The following AKAP19 variants were observed in gnomAD, a reference collection of about 807,000 sequenced individuals.
AKAP19 encodes the protein small A-kinase anchoring protein.
the AKAP19 span, among the ~76,000 whole-genome samples, chr2:190,073,246 A>G: frequency 6.6e-6 from 1 of 152,214 alleles, no homozygotes; most frequent in African/African-American, 2.4e-5. Context: ...TTTTCCAGAA[A>G]AAAACACAAC....
chr2:190,128,072 C>T, the AKAP19 span, among the ~76,000 whole-genome samples: 1 of 152,104 alleles, frequency 6.6e-6, no homozygotes, highest in Non-Finnish European at 1.5e-5. Flanking sequence ...GTGAGGGTGG[C>T]ACTCAATGTG....
the AKAP19 span, among the ~76,000 whole-genome samples, chr2:190,097,918 G>A: frequency 6.8e-6 from 1 of 147,810 alleles, no homozygotes; most frequent in Admixed American, 6.7e-5. Context: ...AAAGAAAGAA[G>A]CAGCAGTAAG....
the AKAP19 span, among the ~76,000 whole-genome samples, chr2:190,035,854 C>T: frequency 3.0e-3 from 461 of 152,240 alleles, 1 homozygote; most frequent in African/African-American, 7.1e-3. Flanking sequence ...TGGTCTGTTA[C>T]GAGTGAAGCA....
chr2:190,184,248 CAA>C, the AKAP19 span, among the ~76,000 whole-genome samples: 44 of 152,176 alleles, frequency 2.9e-4, 1 homozygote, highest in African/African-American at 1.0e-3. Context: ...ATATGTGACC[CAA>C]AGAGTGAATG....
At chr2:189,937,329 T>C in the AKAP19 span, among the ~76,000 whole-genome samples, 2 of 152,056 alleles carry the variant, frequency 1.3e-5, no homozygotes, top group Admixed American at 1.3e-4. Context: ...TCAGAACTTA[T>C]TGAACTTGGG....
chr2:189,916,313 C>G, the AKAP19 span, among the ~76,000 whole-genome samples: 1 of 142,834 alleles, frequency 7.0e-6, no homozygotes, highest in South Asian at 2.2e-4. Context: ...TAATTTTCTT[C>G]CTTTTTCTTT....
At chr2:189,954,381 G>A in the AKAP19 span, among the ~76,000 whole-genome samples, 1 of 152,162 alleles carries the variant, frequency 6.6e-6, no homozygotes, top group East Asian at 1.9e-4. Context: ...GATAAGATCA[G>A]AACATATGAT....
the AKAP19 span, chr2:190,060,276 T>A: frequency 2.5e-6 from 4 of 1,613,188 alleles, no homozygotes; most frequent in Non-Finnish European, 3.4e-6. Flanking sequence ...TTTCATAGGT[T>A]TGATGAGTCT....
chr2:189,983,300 G>C, the AKAP19 span, among the ~76,000 whole-genome samples: 5,204 of 152,114 alleles, frequency 0.034, 285 homozygotes, highest in African/African-American at 0.11. Flanking sequence ...TTGTGGCAGC[G>C]CCTCTTTTCC....
chr2:190,164,485 G>A, the AKAP19 span, among the ~76,000 whole-genome samples: 1 of 152,128 alleles, frequency 6.6e-6, no homozygotes, highest in South Asian at 2.1e-4. Flanking sequence ...AACTATGATT[G>A]CATCACTGTA....
chr2:190,018,058 C>T, the AKAP19 span, among the ~76,000 whole-genome samples: 1,735 of 152,166 alleles, frequency 0.011, 33 homozygotes, highest in African/African-American at 0.04. Flanking sequence ...TTTCTTATCT[C>T]TTCCTGTTTT....
the AKAP19 span, among the ~76,000 whole-genome samples, chr2:189,937,000 T>C: frequency 2.4e-4 from 37 of 152,040 alleles, no homozygotes; most frequent in African/African-American, 8.5e-4. Context: ...GTGGGCATAA[T>C]GGTGCATGCC....
chr2:190,086,760 G>A, the AKAP19 span, among the ~76,000 whole-genome samples: 1 of 152,222 alleles, frequency 6.6e-6, no homozygotes, highest in South Asian at 2.1e-4. Flanking sequence ...TATGAAAGGA[G>A]TTGCTCAGAG....
chr2:189,990,148 T>C, the AKAP19 span, among the ~76,000 whole-genome samples: 1 of 152,226 alleles, frequency 6.6e-6, no homozygotes, highest in South Asian at 2.1e-4. Context: ...CACTAGCTTT[T>C]AGAACCTCCA....
chr2:190,096,635 T>C, the AKAP19 span, among the ~76,000 whole-genome samples: 1 of 152,348 alleles, frequency 6.6e-6, no homozygotes, highest in Non-Finnish European at 1.5e-5. Flanking sequence ...CTTCCCTTTC[T>C]TCTTCCCTGA....
the AKAP19 span, among the ~76,000 whole-genome samples, chr2:189,910,445 G>T: frequency 1.3e-5 from 2 of 151,926 alleles, no homozygotes; most frequent in African/African-American, 4.8e-5. Context: ...ACTTTCCTGA[G>T]AGTGAATATG....
chr2:189,911,463 G>C, the AKAP19 span, among the ~76,000 whole-genome samples: 1 of 152,080 alleles, frequency 6.6e-6, no homozygotes, highest in Non-Finnish European at 1.5e-5. Flanking sequence ...TAAGTGGTTT[G>C]TAGTAGCTAT....
chr2:189,925,368 T>C, the AKAP19 span, among the ~76,000 whole-genome samples: 1 of 152,194 alleles, frequency 6.6e-6, no homozygotes, highest in Non-Finnish European at 1.5e-5. Context: ...TAGAATATAC[T>C]AGACTTAATA....
chr2:190,023,936 CTG>C, the AKAP19 span, among the ~76,000 whole-genome samples: 8 of 151,766 alleles, frequency 5.3e-5, no homozygotes, highest in African/African-American at 1.7e-4. Context: ...TAGTGAAAGA[CTG>C]TTAAAATTTC....
Sources: allele counts gnomAD v4.1 joint callset (sites outside exome capture counted in the v4.1 genomes callset), GRCh38; gene constraint gnomAD v4.1.1; transcripts MANE v1.5; gene names NCBI Gene and HGNC (gene_info 2026-07-23, HGNC 2026-07-21).